ATP2B4: variants seen among roughly 807,000 people sequenced by gnomAD.
The protein encoded by ATP2B4 is plasma membrane calcium-transporting ATPase 4.
In ATP2B4, 39 loss-of-function variants were observed where a neutral mutation model predicts 110.3. That is an observed-to-expected ratio of 0.35 (90% CI 0.27 to 0.46). The LOEUF (loss-of-function observed/expected upper bound fraction) is 0.46, where lower values mean the gene tolerates loss of function less well. Ranked by LOEUF, ATP2B4 falls within the 20% of genes least tolerant of loss-of-function variation. The pLI is 1.00. For synonymous variants in ATP2B4, 538 were observed against 571.7 expected (o/e 0.94, Z 0.84); for missense variants, 1,135 against 1,530.9 (o/e 0.74, Z 4.32).
At chr1:203,698,399 T>C (rs200562771) in intron 3 of ATP2B4, 45 bp downstream of exon 3, 1 of 1,588,074 alleles carries the variant, frequency 6.3e-7, no homozygotes, top group South Asian at 1.1e-5. Flanking sequence ...CTGGGTTCTT[T>C]CCACCACCAC....
chr1:203,647,568 G>A (rs1314550577), intron 1 of ATP2B4, among the ~76,000 whole-genome samples: 1 of 152,090 alleles, frequency 6.6e-6, no homozygotes, highest in Admixed American at 6.6e-5. Flanking sequence ...AGACCAGCCT[G>A]GGCACCATAG....
In ATP2B4 at chr1:203,717,026, C is replaced by T. The variant is rs1356238303; in HGVS notation, c.2406+2749C>T. Among the ~76,000 whole-genome samples, 8 of 143,672 alleles carry T rather than the reference C, an allele frequency of 5.6e-5. 1 individual carries two copies. Among genetic ancestry groups the T allele is most frequent in the African/African-American group, 1.0e-4 (4 of 39,346 alleles). 94.3% of individuals were successfully genotyped at this position (143,672 alleles called of 152,430 possible). A position where few individuals can be genotyped will look rare whatever the true frequency, so the allele number is the denominator to read the frequency against. ...CCAGCCTGGCCAAAACAGTGAAACC[C>T]GTCTCTACTAAAAACACAAAAATTA... On this transcript the variant is annotated intron_variant, in intron 15 of 20. Transcript: ENST00000357681.
chr1:203,733,548 A>T (rs1275629437), intron 20 of ATP2B4: 1 of 744,158 alleles, frequency 1.3e-6, no homozygotes, highest in East Asian at 2.9e-5. Flanking sequence ...CAAAAATCCT[A>T]CTCTAAAACC....
In ATP2B4 at chr1:203,698,226, A is replaced by G. The variant is rs1478747884; in HGVS notation, c.263A>G (p.Lys88Arg). ...TTTGGACACAACGTGATCCCCCCCAAAAAGCCCAAGACTTTCTTAGAATTA... is the reference window on the plus strand; with the variant it reads ...TTTGGACACAACGTGATCCCCCCCAGAAAGCCCAAGACTTTCTTAGAATTA... ...QVFGHNVIPP[K>R]KPKTFLELVW... Residue 88 changes from lysine (K) to arginine (R), a missense_variant, in exon 3 of 21, where the codon AAA becomes AGA. This residue lies in a region of ATP2B4 where 122 missense variants were observed against 125.2 expected (regional missense o/e 0.97). Transcript: ENST00000357681. 1.2e-6 allele frequency: 2 copies of G among 1,614,086 alleles called. No individual in the cohort carries two copies. The highest frequency in any genetic ancestry group is 1.3e-5 in the African/African-American group (1 of 74,926).
intron 14 of ATP2B4, among the ~76,000 whole-genome samples, chr1:203,713,880 A>G (rs1164533572): frequency 2.0e-5 from 3 of 152,184 alleles, no homozygotes; most frequent in Non-Finnish European, 2.9e-5. Context: ...GAAGACAAGT[A>G]ACTTACCCAA....
At position 203,708,122 on chromosome 1, in the gene ATP2B4, G is replaced by A. The variant is rs3753036; in HGVS notation, c.1557+18G>A. The A allele has an allele frequency of 0.18, 284,689 of 1,613,430 alleles. 26,769 individuals carry two copies. The highest frequency in any genetic ancestry group is 0.24 in the South Asian group (21,967 of 91,070). On this transcript the variant is annotated intron_variant, in intron 10 of 20. Coordinates refer to ENST00000357681, the MANE Select transcript of ATP2B4 (RefSeq NM_001684.5). ...AGATTCTGGTAAGCATTTCCTTTGCGTAGACACTTAGAGTGGGTGGTTGGA... is the reference window on the plus strand; with the variant it reads ...AGATTCTGGTAAGCATTTCCTTTGCATAGACACTTAGAGTGGGTGGTTGGA...
intron 1 of ATP2B4, among the ~76,000 whole-genome samples, chr1:203,640,475 G>T (rs560727059): frequency 1.3e-5 from 2 of 151,990 alleles, no homozygotes; most frequent in African/African-American, 4.8e-5. Context: ...GTGCCACCAT[G>T]CCCAGCTAAT....
Position 203,669,626 on chromosome 1 carries a change from G to A in ATP2B4, c.-464-13116G>A, listed in dbSNP as rs536762478. Among the ~76,000 whole-genome samples, 34 of 152,096 alleles carry A rather than the reference G, an allele frequency of 2.2e-4. No individual in the cohort carries two copies. In the South Asian group the frequency reaches 7.0e-3, roughly 32 times the overall value. On this transcript the variant is annotated intron_variant, in intron 1 of 20. Coordinates refer to ENST00000357681, the MANE Select transcript of ATP2B4 (RefSeq NM_001684.5). ...TAATTTTTGTATATTTAGTAGAGAC[G>A]GAGTTTCTCCATATTGGTCAGGCTG...
At position 203,740,147 on chromosome 1, in the gene ATP2B4, T is replaced by C. The variant is rs955360333; in HGVS notation, c.*293T>C. 9 of 339,782 alleles carry C rather than the reference T, an allele frequency of 2.6e-5. No homozygotes were observed. The highest frequency in any genetic ancestry group is 3.8e-5 in the Non-Finnish European group (7 of 185,248). The allele number at this position is 339,782 out of a possible 1,614,324, so 21.0% of individuals were successfully genotyped here. On this transcript the variant is annotated 3_prime_UTR_variant, in exon 21 of 21. Coordinates refer to ENST00000357681, the MANE Select transcript of ATP2B4 (RefSeq NM_001684.5). ...TTTTAAAGAAATGATGACAATCCTC[T>C]TGGCATCACCCCACCCCACATTCTC...
rs752456338 is a variant in ATP2B4, at chr1:203,723,862, GC to G, written c.3025-15del. 4.4e-6 allele frequency: 7 copies of G among 1,577,756 alleles called. No homozygotes were observed. Among genetic ancestry groups the G allele is most frequent in the Middle Eastern group, 3.4e-4 (2 of 5,890 alleles). On this transcript the variant is annotated intron_variant, in intron 18 of 20. Transcript: ENST00000357681. ...TTAGTCATTTCCTTGATGGTGGGCT[GC>G]CCCTTTCTCTGTTCTAGATTTTCAT...
At chr1:203,725,254 TCTCCTGC>T (rs1666474227) in intron 19 of ATP2B4, among the ~76,000 whole-genome samples, 1 of 151,396 alleles carries the variant, frequency 6.6e-6, no homozygotes, top group South Asian at 2.1e-4. Flanking sequence ...TTCAAGCAAT[TCTCCTGC>T]CTCAGCCTCC....
intron 1 of ATP2B4, among the ~76,000 whole-genome samples, chr1:203,641,613 C>A (rs1393780301): frequency 6.6e-6 from 1 of 152,148 alleles, no homozygotes; most frequent in Non-Finnish European, 1.5e-5. Flanking sequence ...TTTGTGCCAG[C>A]CGATTAATAT....
chr1:203,629,730 C>T lies in ATP2B4; in HGVS notation c.-465+2511C>T, dbSNP rs1222143601. Among the ~76,000 whole-genome samples the T allele has an allele frequency of 6.6e-6, 1 of 152,206 alleles. No individual in the cohort carries two copies. Among genetic ancestry groups the T allele is most frequent in the African/African-American group, 2.4e-5 (1 of 41,450 alleles). The stretch of plus-strand genomic sequence containing the variant: ...ATGCGAACCGAGCGGCGAACGGAGG[C>T]TTCCTGCCTCCCAGGTTGTGCCGAG... On this transcript the variant is annotated intron_variant, in intron 1 of 20. Transcript: ENST00000357681. This position sits in a 1 kb window ranked among gnomAD's most constrained non-coding sequence, Gnocchi z 4.6.
In ATP2B4 at chr1:203,683,087, T is replaced by A; in HGVS notation, c.-119T>A. 5 of 1,157,346 alleles carry A rather than the reference T, an allele frequency of 4.3e-6. No homozygotes were observed. In the South Asian group the frequency reaches 7.5e-5, roughly 17 times the overall value. 71.7% of individuals were successfully genotyped at this position (1,157,346 alleles called of 1,614,324 possible). ...AGATATATTCAATCTATTCCCTCAC[T>A]GGGCCCCCAGAGAAGCAAGAAGTAG... is the stretch of plus-strand genomic sequence containing the variant. On this transcript the variant is annotated 5_prime_UTR_variant, in exon 2 of 21. Transcript: ENST00000357681.
At position 203,683,345 on chromosome 1, in the gene ATP2B4, A is replaced by T. The variant is rs750242599; in HGVS notation, c.140A>T (p.His47Leu). 6.2e-7 allele frequency: 1 copy of T among 1,614,202 alleles called. No homozygotes were observed. The change falls in exon 2 of 21, where the codon CAC becomes CTC. Residue 47 changes from histidine (H) to leucine (L), a missense_variant. His to Leu is a moderately conservative substitution (Grantham distance 99). Around this residue, in one of 9 missense-constraint regions of ATP2B4, gnomAD observed 122 missense variants for 125.2 expected, o/e 0.97. Transcript: ENST00000357681. ...GATGCACTGACCCAGATTAATGTCC[A>T]CTATGGAGGTGTACAGAATCTCTGC... ...SRDALTQINV[H>L]YGGVQNLCSR...
At chr1:203,713,349 A>C in intron 14 of ATP2B4, 97 bp downstream of exon 14, 1 of 1,382,072 alleles carries the variant, frequency 7.2e-7, no homozygotes, top group East Asian at 2.3e-5. Flanking sequence ...TCCTGTCCAA[A>C]TAGGGAGGTC....
chr1:203,739,913 C>T lies in ATP2B4; in HGVS notation c.*59C>T, dbSNP rs1415294370. ...CTATTTCCATTTTCGTCTATCCCAT[C>T]TATGAGGTGATGATGGGACTTTTCA... On this transcript the variant is annotated 3_prime_UTR_variant, in exon 21 of 21. Coordinates refer to ENST00000357681, the MANE Select transcript of ATP2B4 (RefSeq NM_001684.5). 4.6e-6 allele frequency: 7 copies of T among 1,524,260 alleles called. No individual in the cohort carries two copies. The highest frequency in any genetic ancestry group is 6.2e-6 in the Non-Finnish European group (7 of 1,127,838). 94.4% of individuals were successfully genotyped at this position (1,524,260 alleles called of 1,614,324 possible). A position where few individuals can be genotyped will look rare whatever the true frequency, so the allele number is the denominator to read the frequency against.
At chr1:203,634,805 A>T (rs200023988) in intron 1 of ATP2B4, among the ~76,000 whole-genome samples, 1 of 151,898 alleles carries the variant, frequency 6.6e-6, no homozygotes, top group Admixed American at 6.6e-5. Context: ...CTAGGACTAC[A>T]GGCGCATGCT....
intron 1 of ATP2B4, among the ~76,000 whole-genome samples, chr1:203,648,527 G>A (rs1663878634): frequency 1.3e-5 from 2 of 152,154 alleles, no homozygotes; most frequent in African/African-American, 4.8e-5. Context: ...CTTGGAGGTT[G>A]TACCAACTGA....
Sources: gnomAD v4.1 joint callset for allele counts (sites outside exome capture counted in the v4.1 genomes callset) on GRCh38, gnomAD v4.1.1 for gene constraint, gnomAD v4.1.1 regional missense constraint, Gnocchi (gnomAD v3.1) non-coding constraint, MANE v1.5 for transcripts, NCBI Gene and HGNC (gene_info 2026-07-23, HGNC 2026-07-21) for gene names.